DYNC2H1: variants seen among roughly 807,000 people sequenced by gnomAD.
DYNC2H1 encodes cytoplasmic dynein 2 heavy chain 1.
A neutral mutation model predicts 570.0 loss-of-function variants in DYNC2H1; 410 were observed. That is an observed-to-expected ratio of 0.72 (90% CI 0.66 to 0.78). The LOEUF (loss-of-function observed/expected upper bound fraction) is 0.78. Among genes scored for constraint, DYNC2H1 ranks in the 30% least tolerant of loss-of-function variants. The probability of loss-of-function intolerance (pLI) is 0.00; values close to 1 mark genes in which losing one functional copy is unlikely to be tolerated. For synonymous variants in DYNC2H1, 1,688 were observed against 1,677.6 expected, an observed-to-expected ratio of 1.01 and a Z score of -0.15; for missense variants, 4,865 against 5,046.4, an observed-to-expected ratio of 0.96 and a Z score of 1.09.
intron 82 of DYNC2H1, among the ~76,000 whole-genome samples, chr11:103,354,822 T>TC (rs1227887797): frequency 7.0e-6 from 1 of 141,988 alleles, no homozygotes; most frequent in Admixed American, 7.3e-5. Flanking sequence ...TTTTTTTTTT[T>TC]CCTCAATGTT....
chr11:103,251,577 T>C (rs987555304), intron 65 of DYNC2H1, among the ~76,000 whole-genome samples: 17 of 152,148 alleles, frequency 1.1e-4, no homozygotes, highest in African/African-American at 3.9e-4. Flanking sequence ...TAGCACAACA[T>C]CCCAAATGCA....
intron 88 of DYNC2H1, 108 bp downstream of exon 88, chr11:103,468,813 C>T: frequency 1.2e-6 from 1 of 813,274 alleles, no homozygotes. Flanking sequence ...GCTTTCTAAT[C>T]TCACCTGCAT....
chr11:103,476,540 T>C (rs1945552927), intron 88 of DYNC2H1, among the ~76,000 whole-genome samples: 1 of 152,216 alleles, frequency 6.6e-6, no homozygotes, highest in Non-Finnish European at 1.5e-5. Flanking sequence ...GACAAGCTCA[T>C]CAGTGCAAAC....
Position 103,299,595 on chromosome 11 carries a change from C to T in DYNC2H1, c.11096-3498C>T, listed in dbSNP as rs147168359. On this transcript the variant is annotated intron_variant, in intron 75 of 88. Transcript: ENST00000375735. The surrounding 1 kb of genome is among the most constrained non-coding windows in gnomAD (Gnocchi z 4.5). ...ATCCTTAAAGCCAACATTAGCAGAT[C>T]GATTCCTTTGCATGCTTCATATCAC... Among the ~76,000 whole-genome samples, 155 of 152,206 alleles carry T rather than the reference C, an allele frequency of 1.0e-3. 1 individual carries two copies. The highest frequency in any genetic ancestry group is 6.8e-3 in the Middle Eastern group (2 of 294).
At chr11:103,359,550 TA>T (rs926283911) in intron 83 of DYNC2H1, among the ~76,000 whole-genome samples, 72 of 152,278 alleles carry the variant, frequency 4.7e-4, no homozygotes, top group African/African-American at 1.7e-3. Context: ...AAGAAGACTA[TA>T]CGAATGACTT....
In DYNC2H1 at chr11:103,133,482, T is replaced by C; in HGVS notation, c.1954-73T>C. ...GTCAGAGTTGGGGATAGTTGAACTT[T>C]TGATATAGAATATTGAAACTTTTGG... On this transcript the variant is annotated intron_variant, in intron 13 of 88. Coordinates refer to ENST00000375735, the MANE Select transcript of DYNC2H1 (RefSeq NM_001377.3). This position sits in a 1 kb window ranked among gnomAD's most constrained non-coding sequence, Gnocchi z 4.8. 7.0e-7 allele frequency: 1 copy of C among 1,430,648 alleles called. No homozygotes were observed. The highest frequency in any genetic ancestry group is 9.4e-7 in the Non-Finnish European group (1 of 1,060,762). The allele number at this position is 1,430,648 out of a possible 1,614,324, so 88.6% of individuals were successfully genotyped here.
At chr11:103,464,773 C>T (rs1380304560) in intron 87 of DYNC2H1, among the ~76,000 whole-genome samples, 1 of 152,030 alleles carries the variant, frequency 6.6e-6, no homozygotes, top group African/African-American at 2.4e-5. Context: ...CAAGAATTCA[C>T]CACTCACATA....
chr11:103,366,672 C>T (rs1234828427), intron 83 of DYNC2H1, among the ~76,000 whole-genome samples: 1 of 152,084 alleles, frequency 6.6e-6, no homozygotes, highest in Non-Finnish European at 1.5e-5. Context: ...ATTTTCTTTA[C>T]TTGCTTTGCC....
intron 63 of DYNC2H1, among the ~76,000 whole-genome samples, chr11:103,238,282 A>T (rs1864298204): frequency 6.6e-6 from 1 of 152,104 alleles, no homozygotes; most frequent in Non-Finnish European, 1.5e-5. Flanking sequence ...TAACTATGCT[A>T]AAGCTGGCCT....
chr11:103,369,351 G>A lies in DYNC2H1; in HGVS notation c.12156+10992G>A, dbSNP rs1941049925. Among the ~76,000 whole-genome samples the A allele has an allele frequency of 6.6e-6, 1 of 152,178 alleles. No individual in the cohort carries two copies. The highest frequency in any genetic ancestry group is 1.5e-5 in the Non-Finnish European group (1 of 68,042). On this transcript the variant is annotated intron_variant, in intron 83 of 88. Coordinates refer to ENST00000375735, the MANE Select transcript of DYNC2H1 (RefSeq NM_001377.3). This position sits in a 1 kb window ranked among gnomAD's most constrained non-coding sequence, Gnocchi z 4.0. ...TCACCAAAGCAGGCGGAAGTACTCT[G>A]GGGCTCTAAATAATCTTGAAAAGCA...
intron 81 of DYNC2H1, among the ~76,000 whole-genome samples, chr11:103,322,229 G>T (rs1050296389): frequency 1.3e-5 from 2 of 152,048 alleles, no homozygotes; most frequent in African/African-American, 4.8e-5. Context: ...ACCTTAGAGG[G>T]AATGAATAAA....
chr11:103,248,104 G>A (rs750464204), intron 65 of DYNC2H1, among the ~76,000 whole-genome samples: 3 of 152,068 alleles, frequency 2.0e-5, no homozygotes, highest in Non-Finnish European at 4.4e-5. Flanking sequence ...TTCTTTCTTT[G>A]TATTTAGTGG....
At chr11:103,285,023 G>T (rs773587282) in intron 73 of DYNC2H1, among the ~76,000 whole-genome samples, 1 of 152,178 alleles carries the variant, frequency 6.6e-6, no homozygotes, top group African/African-American at 2.4e-5. Flanking sequence ...AGCAAAGAGG[G>T]TTAGAACATT....
At chr11:103,331,328 C>T (rs950030751) in intron 82 of DYNC2H1, among the ~76,000 whole-genome samples, 1 of 152,184 alleles carries the variant, frequency 6.6e-6, no homozygotes, top group African/African-American at 2.4e-5. Context: ...GATGAGAGTA[C>T]TCAGGAGCTT....
intron 20 of DYNC2H1, among the ~76,000 whole-genome samples, chr11:103,149,469 C>T (rs1386378871): frequency 6.6e-6 from 1 of 152,016 alleles, no homozygotes; most frequent in Non-Finnish European, 1.5e-5. Flanking sequence ...TTATGTGCCC[C>T]CACTTAAAAT....
chr11:103,469,475 A>T (rs949194117), intron 88 of DYNC2H1, among the ~76,000 whole-genome samples: 1 of 152,200 alleles, frequency 6.6e-6, no homozygotes, highest in Non-Finnish European at 1.5e-5. Flanking sequence ...TCACTACAAG[A>T]AAAATGAGCT....
intron 75 of DYNC2H1, among the ~76,000 whole-genome samples, chr11:103,288,245 G>T (rs1255386308): frequency 6.6e-6 from 1 of 151,962 alleles, no homozygotes; most frequent in Admixed American, 6.5e-5. Flanking sequence ...CAAGAAGGGG[G>T]TCTTTTTGAA....
intron 88 of DYNC2H1, among the ~76,000 whole-genome samples, chr11:103,478,054 C>T (rs1016699074): frequency 1.3e-3 from 10 of 7,684 alleles, no homozygotes; most frequent in African/African-American, 1.5e-3. Flanking sequence ...CAGGAGCCAA[C>T]TTAAAAAGTT....
intron 6 of DYNC2H1, among the ~76,000 whole-genome samples, 171 bp downstream of exon 6, chr11:103,118,034 T>A (rs554311126): frequency 2.0e-5 from 3 of 152,282 alleles, no homozygotes; most frequent in Admixed American, 2.0e-4. Flanking sequence ...TTCTTTTTAT[T>A]TTGTGTGAGA....
Sources: gnomAD v4.1 joint callset for allele counts (sites outside exome capture counted in the v4.1 genomes callset) on GRCh38, gnomAD v4.1.1 for gene constraint, Gnocchi (gnomAD v3.1) non-coding constraint, MANE v1.5 for transcripts, NCBI Gene and HGNC (gene_info 2026-07-23, HGNC 2026-07-21) for gene names.